The following TENM1 variants were observed in gnomAD, a reference collection of about 807,000 sequenced individuals.
The protein encoded by TENM1 is teneurin transmembrane protein 1.
In TENM1, 35 loss-of-function variants were observed where a neutral mutation model predicts 174.8. The ratio of observed to expected loss-of-function variants is 0.20; its 90% CI spans 0.15 to 0.27. The LOEUF (loss-of-function observed/expected upper bound fraction) is 0.27, where lower values mean the gene tolerates loss of function less well. Ranked by LOEUF, TENM1 falls within the 10% of genes least tolerant of loss-of-function variation. The probability of loss-of-function intolerance (pLI) is 1.00; values close to 1 mark genes in which losing one functional copy is unlikely to be tolerated. For synonymous variants in TENM1, 781 were observed against 798.7 expected (o/e 0.98, Z 0.37); for missense variants, 1,633 against 2,130.1 (o/e 0.77, Z 4.59).
At chrX:124,613,863 G>T (rs751646839) in intron 11 of TENM1, among the ~76,000 whole-genome samples, 2 of 111,183 alleles carry the variant, frequency 1.8e-5, no homozygotes, top group East Asian at 5.7e-4. Context: ...GGGGTGAAAA[G>T]TCTACTGGGC....
intron 2 of TENM1, among the ~76,000 whole-genome samples, chrX:124,895,147 C>T (rs1015346040): frequency 1.8e-5 from 2 of 111,110 alleles, no homozygotes; most frequent in African/African-American, 6.5e-5. Flanking sequence ...AGGTACAGGG[C>T]AGCTGGCTAT....
chrX:124,844,352 T>C (rs1198683779), intron 3 of TENM1, among the ~76,000 whole-genome samples: 1 of 111,987 alleles, frequency 8.9e-6, no homozygotes, highest in African/African-American at 3.3e-5. Context: ...AGACACATAA[T>C]AGACCCAAGT....
intron 25 of TENM1, among the ~76,000 whole-genome samples, chrX:124,415,390 G>A (rs1256178314): frequency 9.0e-6 from 1 of 111,294 alleles, no homozygotes; most frequent in African/African-American, 3.3e-5. Flanking sequence ...TTAAGAAGGT[G>A]GGAGAAAGAA....
At chrX:124,656,965 AT>A (rs935855269) in intron 6 of TENM1, among the ~76,000 whole-genome samples, 1 of 109,528 alleles carries the variant, frequency 9.1e-6, no homozygotes, top group African/African-American at 3.3e-5. Flanking sequence ...AAAAAAAAGG[AT>A]TTTTTTTCCA....
chrX:124,564,915 T>C (rs1036443076), intron 12 of TENM1, among the ~76,000 whole-genome samples: 1 of 111,435 alleles, frequency 9.0e-6, no homozygotes, highest in African/African-American at 3.3e-5. Context: ...CTTCCTCATA[T>C]ACATTAAAGA....
chrX:125,178,681 C>T, the TENM1 span, among the ~76,000 whole-genome samples: 20 of 111,684 alleles, frequency 1.8e-4, no homozygotes, highest in African/African-American at 6.2e-4. Flanking sequence ...CTAGGTCACA[C>T]GGGTGTTCAA....
chrX:125,165,597 G>A, the TENM1 span, among the ~76,000 whole-genome samples: 100 of 112,003 alleles, frequency 8.9e-4, no homozygotes, highest in African/African-American at 3.2e-3. Flanking sequence ...CAAAAGCTGA[G>A]CTGCTTTTCT....
At chrX:125,025,555 G>A in the TENM1 span, among the ~76,000 whole-genome samples, 221 of 111,382 alleles carry the variant, frequency 2.0e-3, no homozygotes, top group Non-Finnish European at 3.0e-3. Flanking sequence ...AGAAGCATGC[G>A]GTGTTACCCA....
At chrX:124,482,579 T>A (rs1054767557) in intron 21 of TENM1, among the ~76,000 whole-genome samples, 2 of 111,844 alleles carry the variant, frequency 1.8e-5, no homozygotes, top group Non-Finnish European at 3.8e-5. Context: ...TTTTGTTCTT[T>A]CAGGACATAA....
intron 6 of TENM1, among the ~76,000 whole-genome samples, chrX:124,656,607 C>T (rs765863013): frequency 6.0e-4 from 67 of 111,616 alleles, no homozygotes; most frequent in Non-Finnish European, 8.5e-4. Context: ...CAGCCTCTTA[C>T]CCTTTAGAGT....
At chrX:124,884,208 A>C (rs1418895086) in intron 3 of TENM1, among the ~76,000 whole-genome samples, 3 of 111,065 alleles carry the variant, frequency 2.7e-5, no homozygotes, top group Non-Finnish European at 3.8e-5. Flanking sequence ...CCAATGGCTC[A>C]TACTTTGACC....
intron 30 of TENM1, 127 bp from the exon 34 acceptor site, chrX:124,382,939 T>C (rs1375519022): frequency 3.1e-5 from 1 of 31,867 alleles, no homozygotes; most frequent in Admixed American, 9.2e-4. Context: ...ATAAAACTCC[T>C]ATTTATTTAT....
At chrX:125,035,515 G>T in the TENM1 span, among the ~76,000 whole-genome samples, 2 of 111,214 alleles carry the variant, frequency 1.8e-5, no homozygotes, top group African/African-American at 6.5e-5. Context: ...TTGGCCAACT[G>T]CCCAACATCC....
the TENM1 span, among the ~76,000 whole-genome samples, chrX:125,147,380 T>A: frequency 2.2e-4 from 24 of 111,032 alleles, no homozygotes; most frequent in Admixed American, 3.8e-4. Context: ...CTGATCTTAT[T>A]CCTATAAGCT....
At chrX:125,117,871 G>A in the TENM1 span, among the ~76,000 whole-genome samples, 1 of 111,200 alleles carries the variant, frequency 9.0e-6, no homozygotes, top group Non-Finnish European at 1.9e-5. Flanking sequence ...ACTATTGGGT[G>A]TCTACCCAAA....
intron 3 of TENM1, among the ~76,000 whole-genome samples, chrX:124,807,878 TACACACACAC>T (rs151254866): frequency 1.5e-3 from 129 of 85,176 alleles, no homozygotes; most frequent in East Asian, 5.4e-3. Context: ...GAAAATCACT[TACACACACAC>T]ACACACACAC....
At position 124,905,249 on chromosome X, in the gene TENM1, G is replaced by A. The variant is rs1238679393; in HGVS notation, c.218-9008C>T. 4.5e-5 allele frequency among the ~76,000 whole-genome samples: 5 copies of A among 110,810 alleles called. No homozygotes were observed. The Admixed American group carries it at 4.8e-4, about 11-fold the overall frequency. Reference sequence around the variant, plus strand: ...GAGGATCACTTGAGCCCCTGAGTTTGAGGCTGCACCACTGTTACTCAAGCC... The same window carrying A: ...GAGGATCACTTGAGCCCCTGAGTTTAAGGCTGCACCACTGTTACTCAAGCC... On this transcript the variant is annotated intron_variant, in intron 1 of 31. Transcript: ENST00000422452.
At chrX:124,571,395 G>T (rs113084206) in intron 11 of TENM1, among the ~76,000 whole-genome samples, 6,527 of 111,227 alleles carry the variant, frequency 0.059, 285 homozygotes, top group African/African-American at 0.14. Flanking sequence ...AAAAGAAGAA[G>T]AATTGAAATC....
chrX:124,845,276 G>A (rs777181417), intron 3 of TENM1, among the ~76,000 whole-genome samples: 143 of 111,260 alleles, frequency 1.3e-3, no homozygotes, highest in African/African-American at 4.3e-3. Context: ...CTAGACTGCT[G>A]CTTCTCAAAT....
Sources: allele counts gnomAD v4.1 joint callset (sites outside exome capture counted in the v4.1 genomes callset), GRCh38; gene constraint gnomAD v4.1.1; transcripts MANE v1.5; gene names NCBI Gene and HGNC (gene_info 2026-07-23, HGNC 2026-07-21).